Variants in CPXM2 observed in about 807,000 individuals in gnomAD.
CPXM2 encodes carboxypeptidase X, M14 family member 2.
Under a neutral mutation model 86.1 loss-of-function variants are expected in CPXM2, and 66 were observed. The ratio of observed to expected loss-of-function variants is 0.77; its 90% CI spans 0.63 to 0.94. CPXM2 has a LOEUF of 0.94. Ranked by LOEUF, CPXM2 falls within the 40% of genes least tolerant of loss-of-function variation. The probability of loss-of-function intolerance (pLI) is 0.00; values close to 1 mark genes in which losing one functional copy is unlikely to be tolerated. For missense variants in CPXM2, 948 were observed against 1,026.3 expected, an observed-to-expected ratio of 0.92 and a Z score of 1.04; for synonymous variants, 388 against 400.2, an observed-to-expected ratio of 0.97 and a Z score of 0.36.
At chr10:123,924,801 T>C (rs1185157156) in intron 2 of CPXM2, among the ~76,000 whole-genome samples, 3 of 152,106 alleles carry the variant, frequency 2.0e-5, no homozygotes, top group Non-Finnish European at 2.9e-5. Context: ...AGTCATCTCA[T>C]TAGAACAAAG....
Position 123,746,384 on chromosome 10 carries a change from C to T in CPXM2, c.*380G>A. The T allele has an allele frequency of 4.4e-6, 1 of 228,240 alleles. No homozygotes were observed. Among genetic ancestry groups the T allele is most frequent in the Non-Finnish European group, 8.6e-6 (1 of 116,898 alleles). The allele number at this position is 228,240 out of a possible 1,614,324, so 14.1% of individuals were successfully genotyped here. Reference sequence around the variant, plus strand: ...GCTGCAATTTTAGCTGTGCAAATTGCAAATGCACGTGGAACCCTTGCTGCC... The same window carrying T: ...GCTGCAATTTTAGCTGTGCAAATTGTAAATGCACGTGGAACCCTTGCTGCC... On this transcript the variant is annotated 3_prime_UTR_variant, in exon 14 of 14. Coordinates refer to ENST00000241305, the MANE Select transcript of CPXM2 (RefSeq NM_198148.3).
intron 7 of CPXM2, among the ~76,000 whole-genome samples, chr10:123,775,617 A>G (rs1313684426): frequency 6.6e-6 from 1 of 152,208 alleles, no homozygotes; most frequent in Admixed American, 6.5e-5. Flanking sequence ...CTGATGTTCT[A>G]CCCACTGTCA....
chr10:123,820,386 A>T (rs903230648), intron 4 of CPXM2, among the ~76,000 whole-genome samples: 1 of 152,172 alleles, frequency 6.6e-6, no homozygotes, highest in African/African-American at 2.4e-5. Context: ...CCCAGGTTCC[A>T]GAGGAAGAGC....
intron 4 of CPXM2, among the ~76,000 whole-genome samples, chr10:123,830,113 C>A (rs531273559): frequency 6.6e-6 from 1 of 152,228 alleles, no homozygotes; most frequent in East Asian, 1.9e-4. Context: ...TTTCTTACTC[C>A]TTCTAAAGTA....
intron 7 of CPXM2, among the ~76,000 whole-genome samples, chr10:123,772,626 C>A (rs1243112730): frequency 6.6e-6 from 1 of 152,050 alleles, no homozygotes; most frequent in Non-Finnish European, 1.5e-5. Context: ...ATGGTTATCA[C>A]TTCCCTTACT....
intron 6 of CPXM2, among the ~76,000 whole-genome samples, chr10:123,789,478 G>A (rs1286193205): frequency 6.6e-6 from 1 of 152,250 alleles, no homozygotes; most frequent in Non-Finnish European, 1.5e-5. Context: ...AGGAAAGACA[G>A]CTTTCAAGAG....
At chr10:123,784,649 A>G (rs1261917477) in intron 6 of CPXM2, among the ~76,000 whole-genome samples, 4 of 152,236 alleles carry the variant, frequency 2.6e-5, no homozygotes, top group Non-Finnish European at 4.4e-5. Context: ...ATTCCCAGGT[A>G]TCCCTGATGT....
At chr10:123,836,204 C>T (rs1848276430) in intron 4 of CPXM2, among the ~76,000 whole-genome samples, 1 of 152,122 alleles carries the variant, frequency 6.6e-6, no homozygotes, top group Admixed American at 6.5e-5. Context: ...TGGAACCTCC[C>T]CTTGGCTCCA....
intron 7 of CPXM2, 99 bp downstream of exon 7, chr10:123,780,068 C>T: frequency 1.3e-6 from 1 of 751,592 alleles, no homozygotes; most frequent in East Asian, 2.5e-5. Flanking sequence ...GATCCCTAAT[C>T]ATCAATTTCT....
intron 4 of CPXM2, among the ~76,000 whole-genome samples, chr10:123,829,991 C>T (rs1254386846): frequency 2.7e-5 from 4 of 148,614 alleles, no homozygotes; most frequent in Non-Finnish European, 5.9e-5. Context: ...ATATACCCTA[C>T]ACCAAAATAA....
At chr10:123,777,185 A>T (rs1326627626) in intron 7 of CPXM2, 1 of 152,260 alleles carries the variant, frequency 6.6e-6, no homozygotes, top group East Asian at 1.9e-4. Context: ...GGCCATCCTT[A>T]GTTGCCCTGG....
At chr10:123,933,502 G>A (rs996268730) in intron 2 of CPXM2, among the ~76,000 whole-genome samples, 2 of 152,188 alleles carry the variant, frequency 1.3e-5, no homozygotes, top group Non-Finnish European at 2.9e-5. Flanking sequence ...CGGGTCACTT[G>A]AGGTCAGGAG....
intron 4 of CPXM2, among the ~76,000 whole-genome samples, chr10:123,818,247 A>G (rs1234404035): frequency 6.6e-6 from 1 of 152,286 alleles, no homozygotes; most frequent in South Asian, 2.1e-4. Flanking sequence ...TAATCGCCCA[A>G]TGGGCCCGTG....
chr10:123,785,386 T>C (rs542307943), intron 6 of CPXM2, among the ~76,000 whole-genome samples: 1 of 152,316 alleles, frequency 6.6e-6, no homozygotes, highest in South Asian at 2.1e-4. Context: ...CACTCTATTT[T>C]ATCTGTTGCT....
At chr10:123,856,310 CG>C (rs1848722490) in intron 3 of CPXM2, among the ~76,000 whole-genome samples, 2 of 152,210 alleles carry the variant, frequency 1.3e-5, no homozygotes, top group Admixed American at 1.3e-4. Context: ...CCCTCTGACA[CG>C]GCAGTGCTTA....
At chr10:123,896,172 A>G (rs1046602904), upstream of CPXM2, among the ~76,000 whole-genome samples, 2 of 152,246 alleles carry the variant, frequency 1.3e-5, no homozygotes, top group African/African-American at 4.8e-5. Flanking sequence ...ATTTTTCATT[A>G]CGGACTTTTC....
At chr10:123,813,017 T>A (rs1464134039) in intron 4 of CPXM2, among the ~76,000 whole-genome samples, 1 of 152,216 alleles carries the variant, frequency 6.6e-6, no homozygotes, top group Non-Finnish European at 1.5e-5. Context: ...TATTACATAA[T>A]GATAAAGCTA....
chr10:123,943,986 C>A (rs1480792147), upstream of CPXM2, among the ~76,000 whole-genome samples: 1 of 152,196 alleles, frequency 6.6e-6, no homozygotes, highest in African/African-American at 2.4e-5. Context: ...TCATCGTGGT[C>A]ACCTGCTTCT....
chr10:123,865,179 G>A lies in CPXM2; in HGVS notation c.404-2456C>T, dbSNP rs956229906. 2.6e-5 allele frequency among the ~76,000 whole-genome samples: 4 copies of A among 152,208 alleles called. No homozygotes were observed. Among genetic ancestry groups the A allele is most frequent in the Admixed American group, 6.5e-5 (1 of 15,284 alleles). ...CGAACTTGGCCTGCTCGCAAACGTA[G>A]TCTTACAGGAACCCAATGCTCTGAC... On this transcript the variant is annotated intron_variant, in intron 2 of 13. Coordinates refer to ENST00000241305, the MANE Select transcript of CPXM2 (RefSeq NM_198148.3). The surrounding 1 kb of genome is among the most constrained non-coding windows in gnomAD (Gnocchi z 4.7).
Sources: gnomAD v4.1 joint callset for allele counts (sites outside exome capture counted in the v4.1 genomes callset) on GRCh38, gnomAD v4.1.1 for gene constraint, Gnocchi (gnomAD v3.1) non-coding constraint, MANE v1.5 for transcripts, NCBI Gene and HGNC (gene_info 2026-07-23, HGNC 2026-07-21) for gene names.